GPC6: variants seen among roughly 807,000 people sequenced by gnomAD.
The protein encoded by GPC6 is glypican 6.
A neutral mutation model predicts 55.2 loss-of-function variants in GPC6; 14 were observed. That is an observed-to-expected ratio of 0.25 (90% CI 0.17 to 0.40). GPC6 has a LOEUF of 0.40. GPC6 is among the 10% of genes least tolerant of loss of function. GPC6 has a pLI of 1.00. For missense variants in GPC6, 641 were observed against 708.5 expected, an observed-to-expected ratio of 0.90 and a Z score of 1.08; for synonymous variants, 278 against 259.6, an observed-to-expected ratio of 1.07 and a Z score of -0.68.
chr13:94,273,933 A>G (rs1253851814), intron 4 of GPC6, among the ~76,000 whole-genome samples: 1 of 152,226 alleles, frequency 6.6e-6, no homozygotes, highest in Non-Finnish European at 1.5e-5. Context: ...ATGAAGAATC[A>G]ACAATAAAAA....
At chr13:93,822,885 A>G (rs1022228982) in intron 2 of GPC6, among the ~76,000 whole-genome samples, 2 of 149,608 alleles carry the variant, frequency 1.3e-5, no homozygotes, top group East Asian at 3.9e-4. Context: ...TTTCTTTGAG[A>G]TGGAGTCTCG....
At chr13:93,721,430 T>G (rs921179513) in intron 2 of GPC6, among the ~76,000 whole-genome samples, 1 of 151,756 alleles carries the variant, frequency 6.6e-6, no homozygotes, top group Non-Finnish European at 1.5e-5. Context: ...AGGGATGAAT[T>G]GTTAGAATTT....
At chr13:94,023,341 A>C (rs1262203153) in intron 3 of GPC6, among the ~76,000 whole-genome samples, 2 of 151,818 alleles carry the variant, frequency 1.3e-5, no homozygotes, top group African/African-American at 4.8e-5. Flanking sequence ...TACACAAACC[A>C]GTTGGTGGAT....
chr13:94,333,685 T>C (rs1877538739), intron 6 of GPC6, among the ~76,000 whole-genome samples: 1 of 152,180 alleles, frequency 6.6e-6, no homozygotes. Flanking sequence ...GTCAGGAAAC[T>C]GAGGTCCATG....
intron 1 of GPC6, among the ~76,000 whole-genome samples, chr13:93,542,370 A>T (rs377058751): frequency 1.3e-5 from 2 of 151,934 alleles, no homozygotes; most frequent in Admixed American, 6.6e-5. Flanking sequence ...TCTGTTCTGT[A>T]CCATTGATCT....
chr13:93,638,150 A>T (rs1198476368), intron 2 of GPC6, among the ~76,000 whole-genome samples: 1 of 152,124 alleles, frequency 6.6e-6, no homozygotes, highest in Admixed American at 6.6e-5. Flanking sequence ...TTTGATTTTT[A>T]TGAGAATGTT....
In GPC6 at chr13:93,839,044, A is replaced by G. The variant is rs147917404; in HGVS notation, c.711+8499A>G. 3.8e-3 allele frequency among the ~76,000 whole-genome samples: 572 copies of G among 152,278 alleles called. 4 individuals are homozygous for G. Among genetic ancestry groups the G allele is most frequent in the South Asian group, 8.5e-3 (41 of 4,826 alleles). ...GCAAAGCACGCCCTCCTGAAAGTAAAGAGAGAGAGAATTCAAGAAATAGAC... is the reference window on the plus strand; with the variant it reads ...GCAAAGCACGCCCTCCTGAAAGTAAGGAGAGAGAGAATTCAAGAAATAGAC... On this transcript the variant is annotated intron_variant, in intron 3 of 8. Transcript: ENST00000377047.
chr13:93,519,094 A>T (rs1320768295), intron 1 of GPC6, among the ~76,000 whole-genome samples: 1 of 152,050 alleles, frequency 6.6e-6, no homozygotes, highest in Non-Finnish European at 1.5e-5. Context: ...TTAAAAGCCT[A>T]AAGTATTTTT....
At chr13:93,921,557 G>A (rs1233641326) in intron 3 of GPC6, among the ~76,000 whole-genome samples, 1 of 151,998 alleles carries the variant, frequency 6.6e-6, no homozygotes, top group East Asian at 2.0e-4. Flanking sequence ...CAGCCATCCT[G>A]TGGCCGATCT....
chr13:93,381,585 T>C (rs536038200), intron 1 of GPC6, among the ~76,000 whole-genome samples: 76 of 152,280 alleles, frequency 5.0e-4, no homozygotes, highest in African/African-American at 1.7e-3. Flanking sequence ...CTGAGGCATT[T>C]ATAAGGTAAA....
intron 2 of GPC6, among the ~76,000 whole-genome samples, chr13:93,802,260 A>G (rs954741718): frequency 6.6e-6 from 1 of 151,564 alleles, no homozygotes; most frequent in Non-Finnish European, 1.5e-5. Flanking sequence ...CTTTCTCTGT[A>G]TTTTGTTTTG....
intron 2 of GPC6, among the ~76,000 whole-genome samples, chr13:93,699,551 C>T (rs1296567323): frequency 6.6e-6 from 1 of 152,018 alleles, no homozygotes; most frequent in Non-Finnish European, 1.5e-5. Flanking sequence ...TTCCTTTTGC[C>T]CATATAAATA....
intron 2 of GPC6, among the ~76,000 whole-genome samples, chr13:93,573,659 C>T (rs1433052388): frequency 1.3e-5 from 2 of 152,020 alleles, no homozygotes; most frequent in Non-Finnish European, 2.9e-5. Flanking sequence ...GCAATCGAGA[C>T]CTAGTTCATT....
At chr13:94,341,140 T>A (rs1878013130) in intron 6 of GPC6, among the ~76,000 whole-genome samples, 1 of 152,254 alleles carries the variant, frequency 6.6e-6, no homozygotes, top group Non-Finnish European at 1.5e-5. Context: ...GACTTCCTTC[T>A]AGGCACTTCT....
At chr13:93,443,799 T>C (rs914047894) in intron 1 of GPC6, among the ~76,000 whole-genome samples, 1 of 152,236 alleles carries the variant, frequency 6.6e-6, no homozygotes, top group Admixed American at 6.5e-5. Flanking sequence ...ATGGCCTTAA[T>C]CATGATCTAA....
intron 3 of GPC6, among the ~76,000 whole-genome samples, chr13:93,842,472 T>G (rs1887987867): frequency 6.6e-6 from 1 of 152,154 alleles, no homozygotes. Context: ...TCTTTTTTAT[T>G]TGTGCAGATT....
chr13:93,325,913 G>A (rs1879636770), intron 1 of GPC6, among the ~76,000 whole-genome samples: 1 of 152,094 alleles, frequency 6.6e-6, no homozygotes, highest in South Asian at 2.1e-4. Context: ...TGCCTGCATG[G>A]TTACCACTTT....
intron 6 of GPC6, among the ~76,000 whole-genome samples, chr13:94,318,505 C>T (rs571515376): frequency 8.5e-5 from 13 of 152,118 alleles, no homozygotes; most frequent in South Asian, 2.1e-4. Context: ...CTCGTGCGTG[C>T]GCTCTCTAAA....
At chr13:93,518,858 G>GTA (rs1345107119) in intron 1 of GPC6, among the ~76,000 whole-genome samples, 1 of 151,980 alleles carries the variant, frequency 6.6e-6, no homozygotes, top group African/African-American at 2.4e-5. Context: ...TAAGACATCA[G>GTA]TATAAAAGAA....
Sources: allele counts gnomAD v4.1 joint callset (sites outside exome capture counted in the v4.1 genomes callset), GRCh38; gene constraint gnomAD v4.1.1; transcripts MANE v1.5; gene names NCBI Gene and HGNC (gene_info 2026-07-23, HGNC 2026-07-21).